The following REDIC1 variants were observed in gnomAD, a reference collection of about 807,000 sequenced individuals.
REDIC1 encodes the protein HEI10 Interacting Protein 1.
chr12:39,714,340 T>TATACGTATATACAG, the REDIC1 span, among the ~76,000 whole-genome samples: 45 of 148,400 alleles, frequency 3.0e-4, no homozygotes, highest in African/African-American at 1.1e-3. Context: ...TATATATGTC[T>TATACGTATATACAG]GAATATATGT....
chr12:39,657,329 G>C, the REDIC1 span, among the ~76,000 whole-genome samples: 10 of 152,124 alleles, frequency 6.6e-5, no homozygotes, highest in African/African-American at 2.2e-4. Context: ...ATACTATATA[G>C]CCTCGGTGTG....
chr12:39,871,451 G>A, the REDIC1 span, among the ~76,000 whole-genome samples: 2 of 150,714 alleles, frequency 1.3e-5, no homozygotes, highest in African/African-American at 4.9e-5. Flanking sequence ...GTGAGTTTCT[G>A]AATCCAAAGT....
At chr12:39,723,948 A>T in the REDIC1 span, among the ~76,000 whole-genome samples, 1 of 152,142 alleles carries the variant, frequency 6.6e-6, no homozygotes, top group Non-Finnish European at 1.5e-5. Context: ...ACAATATAGC[A>T]ATGTAGCAAA....
chr12:39,732,946 C>G, the REDIC1 span, among the ~76,000 whole-genome samples: 1 of 151,982 alleles, frequency 6.6e-6, no homozygotes, highest in African/African-American at 2.4e-5. Context: ...AAAAACAGAC[C>G]ATTTCTCCAA....
the REDIC1 span, among the ~76,000 whole-genome samples, chr12:39,887,490 C>A: frequency 0.035 from 5,387 of 152,190 alleles, 120 homozygotes; most frequent in Non-Finnish European, 0.054. Context: ...CTTTTCACAA[C>A]AGGGATAGAA....
chr12:39,900,279 A>G, the REDIC1 span, among the ~76,000 whole-genome samples: 1 of 152,192 alleles, frequency 6.6e-6, no homozygotes, highest in Non-Finnish European at 1.5e-5. Flanking sequence ...GAAAACTGGC[A>G]CAAGACAGGG....
the REDIC1 span, among the ~76,000 whole-genome samples, chr12:39,735,813 G>A: frequency 1.3e-5 from 2 of 152,166 alleles, no homozygotes; most frequent in Non-Finnish European, 2.9e-5. Flanking sequence ...ATGTCAACAT[G>A]CTTTCCTATA....
At chr12:39,826,492 G>A in the REDIC1 span, among the ~76,000 whole-genome samples, 1 of 138,000 alleles carries the variant, frequency 7.2e-6, no homozygotes, top group African/African-American at 2.7e-5. Flanking sequence ...ACTATACTTT[G>A]AGTCTCTTAT....
At chr12:39,712,438 GTATATGTATACATACGTA>G in the REDIC1 span, among the ~76,000 whole-genome samples, 574 of 77,618 alleles carry the variant, frequency 7.4e-3, 3 homozygotes, top group Middle Eastern at 0.017. Flanking sequence ...ATATACATAC[GTATATGTATACATACGTA>G]TATATACGTA....
At chr12:39,716,734 T>G in the REDIC1 span, 4 of 1,532,992 alleles carry the variant, frequency 2.6e-6, no homozygotes, top group African/African-American at 4.2e-5. Flanking sequence ...CCATTATTCA[T>G]GTATTAAACC....
the REDIC1 span, among the ~76,000 whole-genome samples, chr12:39,878,591 A>T: frequency 3.3e-5 from 5 of 152,218 alleles, no homozygotes; most frequent in South Asian, 1.0e-3. Flanking sequence ...TCTAAGCAAC[A>T]AAGCATTCAA....
chr12:39,812,785 A>ACAT, the REDIC1 span, among the ~76,000 whole-genome samples: 8 of 144,664 alleles, frequency 5.5e-5, no homozygotes, highest in Non-Finnish European at 1.2e-4. Context: ...TCTAATTTCA[A>ACAT]CATATGACTT....
the REDIC1 span, among the ~76,000 whole-genome samples, chr12:39,906,940 A>G: frequency 1.3e-5 from 2 of 152,148 alleles, no homozygotes; most frequent in Non-Finnish European, 2.9e-5. Flanking sequence ...TTTTTATTTG[A>G]TTCTTTTTAT....
chr12:39,674,369 A>AT, the REDIC1 span, among the ~76,000 whole-genome samples: 3 of 152,300 alleles, frequency 2.0e-5, no homozygotes, highest in African/African-American at 7.2e-5. Context: ...AAAAATCATG[A>AT]TTTTGGAAAA....
chr12:39,741,110 G>A, the REDIC1 span, among the ~76,000 whole-genome samples: 10 of 152,006 alleles, frequency 6.6e-5, no homozygotes, highest in South Asian at 1.5e-3. Flanking sequence ...GGGATTACTG[G>A]GCTTCCTTAC....
chr12:39,667,172 T>G, the REDIC1 span, among the ~76,000 whole-genome samples: 9 of 152,226 alleles, frequency 5.9e-5, no homozygotes, highest in South Asian at 2.1e-4. Flanking sequence ...GTGTCAATTT[T>G]AGATCTTTCC....
the REDIC1 span, among the ~76,000 whole-genome samples, chr12:39,897,441 A>T: frequency 6.6e-6 from 1 of 152,200 alleles, no homozygotes; most frequent in African/African-American, 2.4e-5. Context: ...TTCCACTGCT[A>T]TAAGTAGGAT....
chr12:39,751,105 T>G, the REDIC1 span, among the ~76,000 whole-genome samples: 11 of 152,158 alleles, frequency 7.2e-5, no homozygotes, highest in Non-Finnish European at 8.8e-5. Flanking sequence ...CAAAAGAAAC[T>G]ACTATCAGAG....
chr12:39,825,215 A>G, the REDIC1 span, among the ~76,000 whole-genome samples: 1 of 152,164 alleles, frequency 6.6e-6, no homozygotes, highest in Non-Finnish European at 1.5e-5. Flanking sequence ...ACTATTTTAA[A>G]TAGTCAGGAG....
Sources: gnomAD v4.1 joint callset for allele counts (sites outside exome capture counted in the v4.1 genomes callset) on GRCh38, gnomAD v4.1.1 for gene constraint, MANE v1.5 for transcripts, NCBI Gene and HGNC (gene_info 2026-07-23, HGNC 2026-07-21) for gene names.